Variants in KCNN3 observed in about 807,000 individuals in gnomAD.
KCNN3 encodes potassium calcium-activated channel subfamily N member 3, also known as small conductance calcium-activated potassium channel protein 3.
In KCNN3, 16 loss-of-function variants were observed where a neutral mutation model predicts 62.9. The ratio of observed to expected loss-of-function variants is 0.25; its 90% confidence interval spans 0.17 to 0.39. The LOEUF (loss-of-function observed/expected upper bound fraction) is 0.39. Ranked by LOEUF, KCNN3 falls within the 10% of genes least tolerant of loss-of-function variation. The pLI is 1.00. For synonymous variants in KCNN3, 370 were observed against 389.2 expected (o/e 0.95, Z 0.58); for missense variants, 599 against 949.4 (o/e 0.63, Z 4.85).
rs752104628 is a variant in KCNN3, at chr1:154,708,291, G to A, written c.1900-19C>T. 2 of 1,611,312 alleles carry A rather than the reference G, an allele frequency of 1.2e-6. No individual in the cohort carries two copies. Among genetic ancestry groups the A allele is most frequent in the Non-Finnish European group, 1.7e-6 (2 of 1,178,600 alleles). On this transcript the variant is annotated intron_variant, in intron 7 of 7. Coordinates refer to ENST00000271915, the MANE Select transcript of KCNN3 (RefSeq NM_002249.6). The stretch of plus-strand genomic sequence containing the variant: ...TCTGCATCTGTGTGGAGAGAGAGAG[G>A]CGAGAGACAGGGAGATGACAGGTCA...
intron 2 of KCNN3, among the ~76,000 whole-genome samples, chr1:154,805,652 T>C (rs1406451542): frequency 6.6e-6 from 1 of 152,184 alleles, no homozygotes. Context: ...TCTGGGTTTC[T>C]AGGGGGCCCT....
At chr1:154,844,195 TGAC>T (rs2101915089) in intron 1 of KCNN3, among the ~76,000 whole-genome samples, 1 of 152,358 alleles carries the variant, frequency 6.6e-6, no homozygotes, top group African/African-American at 2.4e-5. Context: ...GCAAATCAAG[TGAC>T]TACACAGATT....
intron 1 of KCNN3, among the ~76,000 whole-genome samples, chr1:154,840,871 C>T (rs1294394083): frequency 6.6e-6 from 1 of 152,244 alleles, no homozygotes; most frequent in Non-Finnish European, 1.5e-5. Flanking sequence ...CCAACGCCCT[C>T]CCCGGATCCC....
chr1:154,732,921 A>G (rs1700628322), intron 4 of KCNN3, 82 bp downstream of exon 4: 1 of 1,513,776 alleles, frequency 6.6e-7, no homozygotes, highest in Admixed American at 1.7e-5. Context: ...TGCGGCTAGG[A>G]AGGCCCCTAT....
intron 3 of KCNN3, among the ~76,000 whole-genome samples, chr1:154,744,379 C>A (rs913521118): frequency 6.6e-6 from 1 of 152,182 alleles, no homozygotes; most frequent in Admixed American, 6.5e-5. Flanking sequence ...AGCAACTAAG[C>A]GAAAAGACTG....
At chr1:154,852,012 G>A (rs945865475) in intron 1 of KCNN3, among the ~76,000 whole-genome samples, 1 of 152,166 alleles carries the variant, frequency 6.6e-6, no homozygotes, top group Non-Finnish European at 1.5e-5. Flanking sequence ...CAGCCTCACA[G>A]GCATCCTCTC....
chr1:154,752,150 G>GATGATGAAA (rs1045169194), intron 3 of KCNN3, among the ~76,000 whole-genome samples: 7 of 152,182 alleles, frequency 4.6e-5, no homozygotes, highest in Non-Finnish European at 8.8e-5. Flanking sequence ...TGATAAGGAA[G>GATGATGAAA]ATGATGACAA....
intron 2 of KCNN3, among the ~76,000 whole-genome samples, chr1:154,808,671 G>C (rs1393185211): frequency 2.0e-5 from 3 of 151,992 alleles, no homozygotes; most frequent in African/African-American, 7.3e-5. Flanking sequence ...GGAGAGAATA[G>C]TTGCTATTTC....
At chr1:154,806,968 G>A (rs1650198452) in intron 2 of KCNN3, among the ~76,000 whole-genome samples, 1 of 152,134 alleles carries the variant, frequency 6.6e-6, no homozygotes, top group African/African-American at 2.4e-5. Flanking sequence ...TATCCTGAAA[G>A]GACATTTGGA....
rs570294129 is a variant in KCNN3, at chr1:154,702,273, A to C, written c.*5703T>G. On this transcript the variant is annotated 3_prime_UTR_variant, in exon 8 of 8. Coordinates refer to ENST00000271915, the MANE Select transcript of KCNN3 (RefSeq NM_002249.6). ...GCTGACAGTGGACCTGCTAAACACT[A>C]GTTTGATACAAAATGTTAATTGAAA... is the stretch of plus-strand genomic sequence containing the variant. 1 of 152,090 alleles carries C rather than the reference A, an allele frequency of 6.6e-6. No individual in the cohort carries two copies. Among genetic ancestry groups the C allele is most frequent in the South Asian group, 2.1e-4 (1 of 4,818 alleles). 9.4% of individuals were successfully genotyped at this position (152,090 alleles called of 1,614,324 possible). A position where few individuals can be genotyped will look rare whatever the true frequency, so the allele number is the denominator to read the frequency against.
chr1:154,869,663 A>C lies in KCNN3; in HGVS notation c.302T>G (p.Leu101Arg), dbSNP rs773819304. ...LQSQPVHPGL[L>R]HSSPTAFRAP... is the part of the protein sequence containing the mutation. The stretch of plus-strand genomic sequence containing the variant: ...CCTGAAAGCGGTGGGAGAGGAGTGC[A>C]GCAGGCCAGGGTGGACGGGCTGGCT... Residue 101 changes from leucine (L) to arginine (R), a missense_variant, in exon 1 of 8, where the codon CTG (leucine) becomes CGG (arginine). Physicochemically the swap from Leu to Arg is moderately radical, Grantham distance 102 (BLOSUM62 -2). Coordinates refer to ENST00000271915, the MANE Select transcript of KCNN3 (RefSeq NM_002249.6). The surrounding 1 kb of genome is among the most constrained non-coding windows in gnomAD (Gnocchi z 6.1). 6.2e-7 allele frequency: 1 copy of C among 1,608,282 alleles called. No individual in the cohort carries two copies. Among genetic ancestry groups the C allele is most frequent in the Non-Finnish European group, 8.5e-7 (1 of 1,177,220 alleles).
chr1:154,801,271 A>C (rs1649943400), intron 2 of KCNN3, among the ~76,000 whole-genome samples: 1 of 152,156 alleles, frequency 6.6e-6, no homozygotes, highest in African/African-American at 2.4e-5. Context: ...TGCATTCTGA[A>C]ATGAAGCATC....
At chr1:154,786,352 A>G (rs1391125512) in intron 2 of KCNN3, among the ~76,000 whole-genome samples, 3 of 152,258 alleles carry the variant, frequency 2.0e-5, no homozygotes, top group African/African-American at 7.2e-5. Context: ...AATATTTTAA[A>G]AGAACTGCTT....
Position 154,869,549 on chromosome 1 carries a change from T to C in KCNN3, c.416A>G (p.His139Arg). 6.2e-7 allele frequency: 1 copy of C among 1,613,536 alleles called. No individual in the cohort carries two copies. The highest frequency in any genetic ancestry group is 1.1e-5 in the South Asian group (1 of 91,038). The change falls in exon 1 of 8, where the codon CAC becomes CGC. Residue 139 changes from histidine to arginine, a missense_variant. Coordinates refer to ENST00000271915, the MANE Select transcript of KCNN3 (RefSeq NM_002249.6). This position sits in a 1 kb window ranked among gnomAD's most constrained non-coding sequence, Gnocchi z 6.1. ...ACTTGTAGCTGTGGAACTTGGAGAGTGGCCAAGCAAGTGGTCATTGAGATT... is the reference window on the plus strand; with the variant it reads ...ACTTGTAGCTGTGGAACTTGGAGAGCGGCCAAGCAAGTGGTCATTGAGATT... ...QLNLNDHLLGHSPSSTATSGP... is the reference protein window; with the variant it reads ...QLNLNDHLLGRSPSSTATSGP...
chr1:154,718,199 T>A (rs989967752), intron 5 of KCNN3, among the ~76,000 whole-genome samples: 4 of 152,180 alleles, frequency 2.6e-5, no homozygotes, highest in Admixed American at 1.3e-4. Context: ...CCTTTGTGAA[T>A]GGAAGTCCAG....
In KCNN3 at chr1:154,701,029, C is replaced by T. The variant is rs1328443720; in HGVS notation, c.*6947G>A. On this transcript the variant is annotated 3_prime_UTR_variant, in exon 8 of 8. Coordinates refer to ENST00000271915, the MANE Select transcript of KCNN3 (RefSeq NM_002249.6). ...ACATATAACTGAGGAGTAATACAGG[C>T]ACTGAGAGAATTTAGCTCCATAACA... 1 of 152,006 alleles carries T rather than the reference C, an allele frequency of 6.6e-6. No homozygotes were observed. The highest frequency in any genetic ancestry group is 1.5e-5 in the Non-Finnish European group (1 of 68,014). The allele number at this position is 152,006 out of a possible 1,614,324, so 9.4% of individuals were successfully genotyped here.
In KCNN3 at chr1:154,707,243, G is replaced by A. The variant is rs1274058788; in HGVS notation, c.*733C>T. 6.6e-6 allele frequency: 1 copy of A among 152,186 alleles called. No homozygotes were observed. The highest frequency in any genetic ancestry group is 2.4e-5 in the African/African-American group (1 of 41,434). The allele number at this position is 152,186 out of a possible 1,614,324, so 9.4% of individuals were successfully genotyped here. On this transcript the variant is annotated 3_prime_UTR_variant, in exon 8 of 8. Transcript: ENST00000271915. ...TCAGACCAACTCAAAACACATGTAA[G>A]GGGTGCCTATTGTATGCAGGGTAAG...
chr1:154,829,469 C>T (rs1446523699), intron 1 of KCNN3, among the ~76,000 whole-genome samples: 5 of 152,200 alleles, frequency 3.3e-5, no homozygotes, highest in Non-Finnish European at 5.9e-5. Flanking sequence ...TTTTCTCCAG[C>T]CCAGTCACCT....
chr1:154,771,785 T>G, intron 3 of KCNN3, 190 bp downstream of exon 3: 2 of 675,718 alleles, frequency 3.0e-6, no homozygotes, highest in Non-Finnish European at 5.3e-6. Flanking sequence ...CTTACTTTGG[T>G]TCCAATGCTG....
Sources: gnomAD v4.1 joint callset for allele counts (sites outside exome capture counted in the v4.1 genomes callset) on GRCh38, gnomAD v4.1.1 for gene constraint, Gnocchi (gnomAD v3.1) non-coding constraint, MANE v1.5 for transcripts, NCBI Gene and HGNC (gene_info 2026-07-23, HGNC 2026-07-21) for gene names.